The following TNK2 variants were observed in gnomAD, a reference collection of about 807,000 sequenced individuals.
TNK2 encodes activated CDC42 kinase 1.
A neutral mutation model predicts 101.8 loss-of-function variants in TNK2; 83 were observed. That is an observed-to-expected ratio of 0.82 (90% confidence interval 0.68 to 0.98). The LOEUF (loss-of-function observed/expected upper bound fraction) is 0.98, where lower values mean the gene tolerates loss of function less well. Among genes scored for constraint, TNK2 ranks in the 50% least tolerant of loss-of-function variants. The probability of loss-of-function intolerance (pLI) is 0.00; values close to 1 mark genes in which losing one functional copy is unlikely to be tolerated. For synonymous variants in TNK2, 804 were observed against 633.0 expected, an observed-to-expected ratio of 1.27 and a Z score of -4.06; for missense variants, 1,665 against 1,483.2, an observed-to-expected ratio of 1.12 and a Z score of -2.01.
intron 6 of TNK2, among the ~76,000 whole-genome samples, chr3:195,880,043 G>A (rs1443942443): frequency 6.6e-6 from 1 of 152,118 alleles, no homozygotes; most frequent in African/African-American, 2.4e-5. Context: ...ATGCGTCCTG[G>A]ATCATAAGGG....
intron 1 of TNK2, among the ~76,000 whole-genome samples, chr3:195,906,664 G>A (rs1046561400): frequency 2.0e-5 from 3 of 152,068 alleles, no homozygotes; most frequent in Admixed American, 2.0e-4. Flanking sequence ...TCACTATCTT[G>A]AAGGTGGGGG....
Position 195,878,881 on chromosome 3 carries a change from C to T in TNK2, c.1014+168G>A, listed in dbSNP as rs547973360. ...TCCCTGAGGCCATACAGATACGGGG[C>T]GTGAGAGGAGACACGGGGCGTGGTG... is the stretch of plus-strand genomic sequence containing the variant. On this transcript the variant is annotated intron_variant, in intron 7 of 15. Transcript: ENST00000672887. This position sits in a 1 kb window ranked among gnomAD's most constrained non-coding sequence, Gnocchi z 4.7. 6.6e-6 allele frequency among the ~76,000 whole-genome samples: 1 copy of T among 152,102 alleles called. No homozygotes were observed. The highest frequency in any genetic ancestry group is 2.1e-4 in the South Asian group (1 of 4,812).
rs544774794 is a variant in TNK2 at position 195,904,014 on chromosome 3, C to A, written c.-19+4471G>T. Among the ~76,000 whole-genome samples the A allele has an allele frequency of 1.4e-3, 206 of 152,186 alleles. 1 individual carries two copies. Among genetic ancestry groups the A allele is most frequent in the African/African-American group, 4.7e-3 (197 of 41,518 alleles). ...CATCTCATAACAGCATTACTGACAACAGCCAAAAGGTGAAAGCCGCTTGAG... is the reference window on the plus strand; with the variant it reads ...CATCTCATAACAGCATTACTGACAAAAGCCAAAAGGTGAAAGCCGCTTGAG... On this transcript the variant is annotated intron_variant, in intron 1 of 15. Coordinates refer to ENST00000672887, the MANE Select transcript of TNK2 (RefSeq NM_001382273.1).
Position 195,886,706 on chromosome 3 carries a change from T to TC in TNK2, c.234+270dup, listed in dbSNP as rs1297970074. ...AGTTAAGGCACACTTGTCAATGAGGTCCTGTTCCAGGCGTGCCGAGAGGGG... is the reference window on the plus strand; with the variant it reads ...AGTTAAGGCACACTTGTCAATGAGGTCCCTGTTCCAGGCGTGCCGAGAGGGG... On this transcript the variant is annotated intron_variant, in intron 3 of 15. Coordinates refer to ENST00000672887, the MANE Select transcript of TNK2 (RefSeq NM_001382273.1). The surrounding 1 kb of genome is among the most constrained non-coding windows in gnomAD (Gnocchi z 4.2). 6.6e-6 allele frequency among the ~76,000 whole-genome samples: 1 copy of TC among 152,142 alleles called. No homozygotes were observed. The highest frequency in any genetic ancestry group is 1.5e-5 in the Non-Finnish European group (1 of 68,018).
In TNK2 at chr3:195,888,618, G is replaced by A; in HGVS notation, c.-18-12C>T. ...CCGCCTCCCAGCCTCTGTGGGGGGA[G>A]GAGTGGCTCAGGGACAAGGGTTGTG... On this transcript the variant is annotated splice_polypyrimidine_tract_variant and intron_variant, in intron 1 of 15. Transcript: ENST00000672887. This position sits in a 1 kb window ranked among gnomAD's most constrained non-coding sequence, Gnocchi z 5.3. 1 of 1,602,178 alleles carries A rather than the reference G, an allele frequency of 6.2e-7. No homozygotes were observed. The highest frequency in any genetic ancestry group is 8.5e-7 in the Non-Finnish European group (1 of 1,174,770).
chr3:195,869,267 G>A, intron 12 of TNK2: 1 of 606,736 alleles, frequency 1.6e-6, no homozygotes, highest in South Asian at 1.9e-5. Context: ...CTGGGAGGGA[G>A]TGAGGCCGAG....
At position 195,882,285 on chromosome 3, in the gene TNK2, C is replaced by T. The variant is rs764003397; in HGVS notation, c.653G>A (p.Arg218His). Reference sequence around the variant, plus strand: ...CAGGAGGAAGTGGCCCTGGTGCTTACGTAGCCGGTCCAACAACGATCCCAG... The same window carrying T: ...CAGGAGGAAGTGGCCCTGGTGCTTATGTAGCCGGTCCAACAACGATCCCAG... ...APLGSLLDRL[R>H]KHQGHFLLGT... The change falls in exon 6 of 16, where the codon CGT becomes CAT. Residue 218 changes from arginine (R) to histidine (H), a missense_variant. Physicochemically the swap from Arg to His is conservative, Grantham distance 29. Transcript: ENST00000672887. This position sits in a 1 kb window ranked among gnomAD's most constrained non-coding sequence, Gnocchi z 4.2. 22 of 1,613,338 alleles carry T rather than the reference C, an allele frequency of 1.4e-5. No individual in the cohort carries two copies. Among genetic ancestry groups the T allele is most frequent in the African/African-American group, 2.7e-5 (2 of 74,908 alleles).
chr3:195,884,345 G>A (rs1157231746), intron 4 of TNK2: 1 of 152,862 alleles, frequency 6.5e-6, no homozygotes, highest in Non-Finnish European at 1.5e-5. Context: ...AATGTGCTTA[G>A]TTAAACCTGA....
chr3:195,869,326 C>T (rs991111382), intron 12 of TNK2, 171 bp downstream of exon 12: 23 of 702,854 alleles, frequency 3.3e-5, no homozygotes, highest in East Asian at 2.2e-4. Flanking sequence ...CTCCGGGGGG[C>T]GGGCTCGAGG....
chr3:195,871,629 C>T (rs1057265517), intron 10 of TNK2, among the ~76,000 whole-genome samples: 1 of 152,088 alleles, frequency 6.6e-6, no homozygotes, highest in African/African-American at 2.4e-5. Context: ...TCCTAAGGCC[C>T]GAGTACCAAG....
At chr3:195,895,420 C>T (rs1377294982) in intron 1 of TNK2, 2 of 1,516,632 alleles carry the variant, frequency 1.3e-6, no homozygotes, top group Non-Finnish European at 1.8e-6. Context: ...CGAGCATCCT[C>T]CAGAAGTGCA....
At chr3:195,893,560 C>T (rs1759438218) in intron 1 of TNK2, among the ~76,000 whole-genome samples, 1 of 152,118 alleles carries the variant, frequency 6.6e-6, no homozygotes, top group South Asian at 2.1e-4. Context: ...CTCCATCAAG[C>T]CCCCGTGGGG....
chr3:195,867,148 G>A, intron 14 of TNK2, 21 bp downstream of exon 14: 1 of 1,611,952 alleles, frequency 6.2e-7, no homozygotes, highest in Non-Finnish European at 8.5e-7. Context: ...GAGAGCCAGA[G>A]TGAGCAGGAG....
At position 195,882,360 on chromosome 3, in the gene TNK2, C is replaced by A. The variant is rs1173869151; in HGVS notation, c.610-32G>T. 1 of 1,606,002 alleles carries A rather than the reference C, an allele frequency of 6.2e-7. No homozygotes were observed. Among genetic ancestry groups the A allele is most frequent in the Non-Finnish European group, 8.5e-7 (1 of 1,174,344 alleles). The stretch of plus-strand genomic sequence containing the variant: ...CCACGGAGGAGGCAGGAGGAATGAG[C>A]TGGAGGACCCTGCCCCTTCTCAGCA... On this transcript the variant is annotated intron_variant, in intron 5 of 15. Coordinates refer to ENST00000672887, the MANE Select transcript of TNK2 (RefSeq NM_001382273.1). The surrounding 1 kb of genome is among the most constrained non-coding windows in gnomAD (Gnocchi z 4.2).
chr3:195,872,630 A>T, intron 9 of TNK2, 160 bp from the exon 10 acceptor site: 2 of 710,352 alleles, frequency 2.8e-6, no homozygotes, highest in Non-Finnish European at 4.6e-6. Flanking sequence ...AGCCCCCGTG[A>T]CCCACCATGC....
chr3:195,878,924 G>T lies in TNK2; in HGVS notation c.1014+125C>A, dbSNP rs554391409. 6 of 1,443,972 alleles carry T rather than the reference G, an allele frequency of 4.2e-6. No homozygotes were observed. The highest frequency in any genetic ancestry group is 5.6e-6 in the Non-Finnish European group (6 of 1,064,856). The allele number at this position is 1,443,972 out of a possible 1,614,324, so 89.4% of individuals were successfully genotyped here. On this transcript the variant is annotated intron_variant, in intron 7 of 15. Transcript: ENST00000672887. This position sits in a 1 kb window ranked among gnomAD's most constrained non-coding sequence, Gnocchi z 4.7. ...GCGTGGTGGGAGGCACGGGAAGTGG[G>T]GGGAGGCACGGGGCGTGGGAGGAGG...
At position 195,888,698 on chromosome 3, in the gene TNK2, C is replaced by T. The variant is rs544055634; in HGVS notation, c.-18-92G>A. On this transcript the variant is annotated intron_variant, in intron 1 of 15. Transcript: ENST00000672887. This position sits in a 1 kb window ranked among gnomAD's most constrained non-coding sequence, Gnocchi z 5.3. ...CTGGGCTCACCTTCATCCCACTACA[C>T]GGCCACCCGGAAGGGCTCACACCAC... 50 of 1,256,760 alleles carry T rather than the reference C, an allele frequency of 4.0e-5. No individual in the cohort carries two copies. The Admixed American group carries it at 5.8e-4, about 15-fold the overall frequency. 77.9% of individuals were successfully genotyped at this position (1,256,760 alleles called of 1,614,324 possible).
At chr3:195,879,761 A>G (rs1227938525) in intron 6 of TNK2, among the ~76,000 whole-genome samples, 1 of 152,110 alleles carries the variant, frequency 6.6e-6, no homozygotes, top group Non-Finnish European at 1.5e-5. Context: ...TGGTGCCCAG[A>G]CAGGGAAGCA....
At chr3:195,873,461 C>T (rs976316419) in intron 9 of TNK2, among the ~76,000 whole-genome samples, 2 of 151,238 alleles carry the variant, frequency 1.3e-5, no homozygotes, top group African/African-American at 2.4e-5. Flanking sequence ...TCTGGGCAGG[C>T]GGGGGCGGTG....
Sources: allele counts gnomAD v4.1 joint callset (sites outside exome capture counted in the v4.1 genomes callset), GRCh38; gene constraint gnomAD v4.1.1; non-coding constraint Gnocchi (gnomAD v3.1); transcripts MANE v1.5; gene names NCBI Gene and HGNC (gene_info 2026-07-23, HGNC 2026-07-21).